Variants in TMEM87A observed in about 807,000 individuals in gnomAD.
TMEM87A encodes transmembrane protein 87A.
TMEM87A carries 50 observed loss-of-function variants against 90.0 expected under a neutral mutation model. The observed-to-expected ratio is 0.56, with a 90% CI of 0.44 to 0.70. The LOEUF is 0.70. Ranked by LOEUF, TMEM87A falls within the 30% of genes least tolerant of loss-of-function variation. The probability of loss-of-function intolerance (pLI) is 0.00; values close to 1 mark genes in which losing one functional copy is unlikely to be tolerated. For missense variants in TMEM87A, 577 were observed against 660.5 expected (o/e 0.87, Z 1.39); for synonymous variants, 226 against 226.7 (o/e 1.00, Z 0.03).
chr15:42,271,171 A>G (rs1223391404), intron 2 of TMEM87A, among the ~76,000 whole-genome samples: 1 of 152,244 alleles, frequency 6.6e-6, no homozygotes, highest in Non-Finnish European at 1.5e-5. Context: ...AGATTCAGAT[A>G]CAGTCATTTT....
At chr15:42,226,747 C>T (rs1413691710) in intron 15 of TMEM87A, 59 bp downstream of exon 15, 2 of 1,441,660 alleles carry the variant, frequency 1.4e-6, no homozygotes, top group African/African-American at 1.4e-5. Flanking sequence ...CAATGCACCA[C>T]CCCTAATTGA....
intron 3 of TMEM87A, among the ~76,000 whole-genome samples, chr15:42,265,028 G>A: frequency 6.6e-6 from 1 of 152,088 alleles, no homozygotes; most frequent in Non-Finnish European, 1.5e-5. Context: ...CAAAGGAAAT[G>A]ATCTCATTCT....
intron 6 of TMEM87A, among the ~76,000 whole-genome samples, chr15:42,245,574 G>A (rs2050957044): frequency 6.7e-6 from 1 of 149,220 alleles, no homozygotes; most frequent in South Asian, 2.1e-4. Context: ...GCCCAGGCAG[G>A]AGTACAGCAG....
rs1395786648 is a variant in TMEM87A, at chr15:42,273,232, A to C, written c.144+23T>G. ...CCACCCCTTGCTCCTCTAGGTTCAG[A>C]CGTTAGTGAAGTGAATACTCACCGA... On this transcript the variant is annotated intron_variant, in intron 1 of 19. Coordinates refer to ENST00000389834, the MANE Select transcript of TMEM87A (RefSeq NM_015497.5). 5 of 1,613,638 alleles carry C rather than the reference A, an allele frequency of 3.1e-6. No individual in the cohort carries two copies. In the East Asian group the frequency reaches 1.1e-4, roughly 36 times the overall value.
intron 17 of TMEM87A, 92 bp from the exon 18 acceptor site, chr15:42,218,470 A>C (rs1048218443): frequency 1.6e-5 from 20 of 1,223,000 alleles, no homozygotes; most frequent in Non-Finnish European, 2.2e-5. Context: ...GTCTTTCATA[A>C]TTCTGTAGTC....
intron 6 of TMEM87A, among the ~76,000 whole-genome samples, chr15:42,249,841 T>C (rs775246614): frequency 6.6e-6 from 1 of 152,162 alleles, no homozygotes; most frequent in African/African-American, 2.4e-5. Flanking sequence ...TAACCTTCTG[T>C]CTCATTGATC....
intron 8 of TMEM87A, among the ~76,000 whole-genome samples, chr15:42,238,749 C>CTT (rs374648537): frequency 0.67 from 79,661 of 119,282 alleles, 29,715 homozygotes; most frequent in Non-Finnish European, 0.84. Context: ...GTGAGACTCT[C>CTT]TTTTTTTTTT....
chr15:42,226,093 A>G (rs576992138), intron 15 of TMEM87A, among the ~76,000 whole-genome samples: 2 of 151,514 alleles, frequency 1.3e-5, no homozygotes, highest in African/African-American at 2.4e-5. Context: ...TCTGCCTCCC[A>G]GGTTCAAGCG....
chr15:42,258,663 G>A, intron 6 of TMEM87A: 1 of 1,072,198 alleles, frequency 9.3e-7, no homozygotes, highest in Non-Finnish European at 1.2e-6. Context: ...CCAACCTCAA[G>A]TCATCTGCCC....
chr15:42,216,852 G>GAA (rs138207593), intron 19 of TMEM87A, among the ~76,000 whole-genome samples: 1 of 149,706 alleles, frequency 6.7e-6, no homozygotes, highest in African/African-American at 2.4e-5. Flanking sequence ...AAGGCTTCCT[G>GAA]AAAAAAAACA....
At chr15:42,245,443 T>C (rs147854268) in intron 6 of TMEM87A, among the ~76,000 whole-genome samples, 13 of 152,162 alleles carry the variant, frequency 8.5e-5, no homozygotes, top group African/African-American at 2.9e-4. Flanking sequence ...TACTTAACTC[T>C]GGAATGCAGA....
chr15:42,273,420 A>G lies in TMEM87A; in HGVS notation c.-22T>C, dbSNP rs1346134499. 1 of 1,613,288 alleles carries G rather than the reference A, an allele frequency of 6.2e-7. No homozygotes were observed. Among genetic ancestry groups the G allele is most frequent in the South Asian group, 1.1e-5 (1 of 91,062 alleles). ...CCATCTTCACAGCCGTGGAGTGCCT[A>G]CCGAAAGCATTTCACCCTCTTCCGG... On this transcript the variant is annotated 5_prime_UTR_variant, in exon 1 of 20. Transcript: ENST00000389834.
At chr15:42,235,356 A>G (rs1345691987) in intron 10 of TMEM87A, among the ~76,000 whole-genome samples, 1 of 152,122 alleles carries the variant, frequency 6.6e-6, no homozygotes, top group Non-Finnish European at 1.5e-5. Flanking sequence ...TTTAAATAAT[A>G]TCTTTATCTT....
chr15:42,267,974 A>G lies in TMEM87A; in HGVS notation c.264T>C (p.Asp88=), dbSNP rs148623799. The G allele has an allele frequency of 3.1e-6, 5 of 1,613,546 alleles. No homozygotes were observed. Among genetic ancestry groups the G allele is most frequent in the Non-Finnish European group, 4.2e-6 (5 of 1,179,804 alleles). ...TGAAGTTATAGATTTCATTGTAACAATCAGCGCTTTTCAGATACCAGGTTA... is the reference window on the plus strand; with the variant it reads ...TGAAGTTATAGATTTCATTGTAACAGTCAGCGCTTTTCAGATACCAGGTTA... ...LNITWYLKSA[D]CYNEIYNFKA... is the part of the protein sequence containing the mutation. The change falls in exon 3 of 20, where the codon GAT becomes GAC. Residue 88 remains aspartate (D), a synonymous_variant. Coordinates refer to ENST00000389834, the MANE Select transcript of TMEM87A (RefSeq NM_015497.5).
intron 6 of TMEM87A, among the ~76,000 whole-genome samples, chr15:42,246,328 G>A (rs748864543): frequency 1.3e-5 from 2 of 151,894 alleles, no homozygotes; most frequent in Admixed American, 6.6e-5. Context: ...TAAGTTCTAG[G>A]GTACATGTGC....
chr15:42,248,070 T>C (rs1042174798), intron 6 of TMEM87A, among the ~76,000 whole-genome samples: 1 of 152,196 alleles, frequency 6.6e-6, no homozygotes, highest in African/African-American at 2.4e-5. Flanking sequence ...AGTTCACTCA[T>C]GATTTGGCTG....
Position 42,236,333 on chromosome 15 carries a change from A to G in TMEM87A, c.955T>C (p.Tyr319His), listed in dbSNP as rs2050769721. The change falls in exon 10 of 20, where the codon TAT becomes CAT. Residue 319 changes from tyrosine to histidine, a missense_variant. Coordinates refer to ENST00000389834, the MANE Select transcript of TMEM87A (RefSeq NM_015497.5). Reference protein sequence around the residue: ...RTLVIIVSLGYGIVKPRLGVT... With the variant: ...RTLVIIVSLGHGIVKPRLGVT... The stretch of plus-strand genomic sequence containing the variant: ...GTTAATACTTACTTGACGATGCCAT[A>G]TCCCAGACTGACTATGATGACCAGG... The G allele has an allele frequency of 6.2e-7, 1 of 1,614,084 alleles. No homozygotes were observed. Among genetic ancestry groups the G allele is most frequent in the East Asian group, 2.2e-5 (1 of 44,890 alleles).
chr15:42,236,568 G>T (rs2140940989), intron 9 of TMEM87A, 149 bp from the exon 10 acceptor site: 1 of 659,134 alleles, frequency 1.5e-6, no homozygotes, highest in East Asian at 2.9e-5. Context: ...AGTTTTTACA[G>T]GATACAAGCT....
intron 11 of TMEM87A, among the ~76,000 whole-genome samples, chr15:42,232,487 T>C (rs749248041): frequency 2.0e-4 from 31 of 152,170 alleles, no homozygotes; most frequent in Non-Finnish European, 7.4e-5. Context: ...TTTTTTTCTT[T>C]TTTTGAGACG....
Sources: gnomAD v4.1 joint callset for allele counts (sites outside exome capture counted in the v4.1 genomes callset) on GRCh38, gnomAD v4.1.1 for gene constraint, MANE v1.5 for transcripts, NCBI Gene and HGNC (gene_info 2026-07-23, HGNC 2026-07-21) for gene names.